HEMK2: variants seen among roughly 807,000 people sequenced by gnomAD.
HEMK2 encodes HemK methyltransferase 2, ETF1 glutamine and histone H4 lysine, also known as methyltransferase HEMK2.
chr21:28,785,034 GAAC>G, the HEMK2 span, among the ~76,000 whole-genome samples: 112 of 152,214 alleles, frequency 7.4e-4, no homozygotes, highest in African/African-American at 2.6e-3. Context: ...CAGGAGGAAC[GAAC>G]AACTCCAGAT....
chr21:28,603,453 A>G, the HEMK2 span, among the ~76,000 whole-genome samples: 7 of 151,860 alleles, frequency 4.6e-5, no homozygotes, highest in African/African-American at 1.7e-4. Context: ...CTCTTCCACA[A>G]TATTATTTTA....
At chr21:28,641,411 G>C in the HEMK2 span, among the ~76,000 whole-genome samples, 3 of 152,180 alleles carry the variant, frequency 2.0e-5, no homozygotes, top group African/African-American at 7.2e-5. Context: ...ACAGACAAGG[G>C]CTGCAGAACC....
chr21:28,629,648 T>C, the HEMK2 span, among the ~76,000 whole-genome samples: 1 of 152,228 alleles, frequency 6.6e-6, no homozygotes, highest in South Asian at 2.1e-4. Flanking sequence ...CTTAAAGCCT[T>C]AAAGACAAGA....
the HEMK2 span, among the ~76,000 whole-genome samples, chr21:28,710,410 CTT>C: frequency 6.6e-6 from 1 of 152,162 alleles, no homozygotes; most frequent in Admixed American, 6.6e-5. Flanking sequence ...GACTTTACCT[CTT>C]TTTTACTTTA....
At chr21:28,777,575 C>T in the HEMK2 span, among the ~76,000 whole-genome samples, 2 of 152,058 alleles carry the variant, frequency 1.3e-5, no homozygotes, top group Non-Finnish European at 2.9e-5. Flanking sequence ...AAGGTGACAC[C>T]AGGATGAAAT....
the HEMK2 span, among the ~76,000 whole-genome samples, chr21:28,777,523 T>C: frequency 1.3e-5 from 2 of 152,132 alleles, no homozygotes; most frequent in African/African-American, 4.8e-5. Flanking sequence ...TAATTCACTC[T>C]CTGGGGTCCA....
chr21:28,688,146 G>A, the HEMK2 span, among the ~76,000 whole-genome samples: 1 of 152,268 alleles, frequency 6.6e-6, no homozygotes, highest in South Asian at 2.1e-4. Context: ...ACAACTGCAC[G>A]TCAAATGAAG....
the HEMK2 span, among the ~76,000 whole-genome samples, chr21:28,703,577 A>G: frequency 1.3e-5 from 2 of 152,210 alleles, no homozygotes; most frequent in Non-Finnish European, 2.9e-5. Context: ...GGAACTAAGC[A>G]TCTTTTATCT....
At chr21:28,834,661 A>T in the HEMK2 span, among the ~76,000 whole-genome samples, 2 of 152,150 alleles carry the variant, frequency 1.3e-5, no homozygotes, top group Non-Finnish European at 2.9e-5. Context: ...AACTCAGGGG[A>T]GGGCACAAAT....
chr21:28,877,407 AAAG>A, the HEMK2 span, among the ~76,000 whole-genome samples: 666 of 6,156 alleles, frequency 0.11, 12 homozygotes, highest in African/African-American at 0.24. Context: ...GGAAGAAAAA[AAAG>A]AAGGAAGGAA....
the HEMK2 span, among the ~76,000 whole-genome samples, chr21:28,761,834 GAAAGATGTAGA>G: frequency 6.6e-6 from 1 of 152,058 alleles, no homozygotes; most frequent in African/African-American, 2.4e-5. Flanking sequence ...ATCTTTGAAG[GAAAGATGTAGA>G]CCATAAAATG....
At chr21:28,835,670 G>C in the HEMK2 span, among the ~76,000 whole-genome samples, 1 of 152,130 alleles carries the variant, frequency 6.6e-6, no homozygotes, top group Middle Eastern at 3.2e-3. Context: ...GAATTCAGGA[G>C]GTTAGTTATT....
chr21:28,718,753 T>C, the HEMK2 span, among the ~76,000 whole-genome samples: 1 of 152,212 alleles, frequency 6.6e-6, no homozygotes. Flanking sequence ...TTACAACATA[T>C]ACATATATTT....
chr21:28,670,255 G>A, the HEMK2 span, among the ~76,000 whole-genome samples: 2 of 152,058 alleles, frequency 1.3e-5, no homozygotes, highest in African/African-American at 4.8e-5. Flanking sequence ...GAGAAACAGA[G>A]CCTACAGTCT....
chr21:28,668,127 C>G, the HEMK2 span, among the ~76,000 whole-genome samples: 3 of 151,984 alleles, frequency 2.0e-5, no homozygotes, highest in Non-Finnish European at 4.4e-5. Flanking sequence ...CAGGTTAAGT[C>G]AAATTAGAAC....
the HEMK2 span, among the ~76,000 whole-genome samples, chr21:28,838,972 A>AAATATATATATATATATATAT: frequency 6.9e-5 from 2 of 29,160 alleles, no homozygotes; most frequent in African/African-American, 3.9e-4. Flanking sequence ...AAAAAAAAAA[A>AAATATATATATATATATATAT]ATATATATAT....
chr21:28,641,604 T>G, the HEMK2 span, among the ~76,000 whole-genome samples: 1 of 152,238 alleles, frequency 6.6e-6, no homozygotes, highest in South Asian at 2.1e-4. Flanking sequence ...AAAAGCTCCT[T>G]GGTTGTTGTA....
chr21:28,716,130 T>C, the HEMK2 span, among the ~76,000 whole-genome samples: 1 of 151,954 alleles, frequency 6.6e-6, no homozygotes, highest in Non-Finnish European at 1.5e-5. Flanking sequence ...TGGACTCTTT[T>C]TTGGTTCCAT....
At chr21:28,865,670 C>A in the HEMK2 span, among the ~76,000 whole-genome samples, 1 of 152,148 alleles carries the variant, frequency 6.6e-6, no homozygotes, top group Non-Finnish European at 1.5e-5. Flanking sequence ...CCTGAATATG[C>A]TGGACTCTGA....
Sources: gnomAD v4.1 joint callset for allele counts (sites outside exome capture counted in the v4.1 genomes callset) on GRCh38, gnomAD v4.1.1 for gene constraint, MANE v1.5 for transcripts, NCBI Gene and HGNC (gene_info 2026-07-23, HGNC 2026-07-21) for gene names.